CREBRF: variants seen among roughly 807,000 people sequenced by gnomAD.
CREBRF encodes the protein CREB3 regulatory factor.
CREBRF carries 5 observed loss-of-function variants against 66.1 expected under a neutral mutation model. The ratio of observed to expected loss-of-function variants is 0.08; its 90% confidence interval spans 0.04 to 0.16. The LOEUF (loss-of-function observed/expected upper bound fraction) is 0.16, where lower values mean the gene tolerates loss of function less well. Among genes scored for constraint, CREBRF ranks in the 10% least tolerant of loss-of-function variants. The pLI is 1.00. For synonymous variants in CREBRF, 229 were observed against 264.4 expected (o/e 0.87, Z 1.30); for missense variants, 531 against 744.9 (o/e 0.71, Z 3.34).
At chr5:173,086,753 C>A in intron 3 of CREBRF, 127 bp downstream of exon 3, 3 of 617,780 alleles carry the variant, frequency 4.9e-6, no homozygotes, top group Admixed American at 3.0e-5. Flanking sequence ...TATGATTATA[C>A]CTAGGATAAT....
At position 173,100,131 on chromosome 5, in the gene CREBRF, A is replaced by ATT. The variant is rs1184133658; in HGVS notation, c.1223-8470_1223-8469dup. Among the ~76,000 whole-genome samples the ATT allele has an allele frequency of 7.2e-4, 31 of 42,856 alleles. 1 individual carries two copies. Among genetic ancestry groups the ATT allele is most frequent in the African/African-American group, 9.6e-4 (10 of 10,456 alleles). 28.1% of individuals were successfully genotyped at this position (42,856 alleles called of 152,430 possible). A position where few individuals can be genotyped will look rare whatever the true frequency, so the allele number is the denominator to read the frequency against. On this transcript the variant is annotated intron_variant, in intron 4 of 8. Coordinates refer to ENST00000296953, the MANE Select transcript of CREBRF (RefSeq NM_153607.3). ...GTGTGTGTGTGTGTATATATATATA[A>ATT]TTTTTTTTTTTTTTTTTTTTTTTTA...
chr5:173,059,518 C>A (rs1482876729), intron 1 of CREBRF, among the ~76,000 whole-genome samples: 1 of 151,578 alleles, frequency 6.6e-6, no homozygotes, highest in Non-Finnish European at 1.5e-5. Context: ...CCTGCCTTGG[C>A]CTCCCAAAGT....
At chr5:173,096,050 A>C (rs1030879163) in intron 4 of CREBRF, among the ~76,000 whole-genome samples, 11 of 152,008 alleles carry the variant, frequency 7.2e-5, no homozygotes, top group African/African-American at 2.7e-4. Flanking sequence ...GCTCACTGCA[A>C]ACTCCGCCTC....
At chr5:173,127,094 A>G (rs1229417491) in intron 8 of CREBRF, among the ~76,000 whole-genome samples, 1 of 152,006 alleles carries the variant, frequency 6.6e-6, no homozygotes, top group Non-Finnish European at 1.5e-5. Context: ...CAACAATAAC[A>G]ACAACTATAC....
intron 4 of CREBRF, among the ~76,000 whole-genome samples, chr5:173,093,634 A>T (rs945627591): frequency 6.6e-6 from 1 of 152,136 alleles, no homozygotes; most frequent in Non-Finnish European, 1.5e-5. Flanking sequence ...CTCCCACCAC[A>T]GCCTTCCAAG....
chr5:173,102,909 T>C (rs568204208), intron 4 of CREBRF, among the ~76,000 whole-genome samples: 30 of 152,304 alleles, frequency 2.0e-4, no homozygotes, highest in African/African-American at 6.0e-4. Context: ...TCTTTGACCT[T>C]TAACTCCACT....
At chr5:173,057,192 G>A (rs1472885910) in intron 1 of CREBRF, among the ~76,000 whole-genome samples, 1 of 152,134 alleles carries the variant, frequency 6.6e-6, no homozygotes, top group East Asian at 1.9e-4. Flanking sequence ...GTCCAATGGA[G>A]CGGGCGGATG....
chr5:173,071,887 T>TA (rs1174395837), intron 1 of CREBRF, among the ~76,000 whole-genome samples: 22 of 146,848 alleles, frequency 1.5e-4, no homozygotes, highest in South Asian at 4.3e-4. Context: ...AAACCCTCTC[T>TA]AAAAAAAAAA....
intron 1 of CREBRF, among the ~76,000 whole-genome samples, chr5:173,065,000 T>C (rs1581656269): frequency 6.6e-6 from 1 of 152,206 alleles, no homozygotes; most frequent in African/African-American, 2.4e-5. Context: ...TGAGCCACTG[T>C]ACCTAGCTGT....
intron 7 of CREBRF, among the ~76,000 whole-genome samples, chr5:173,121,539 G>A (rs1186621801): frequency 1.3e-5 from 2 of 151,870 alleles, no homozygotes; most frequent in African/African-American, 4.8e-5. Flanking sequence ...AGCCAGGTTG[G>A]TCTCTATCTC....
chr5:173,070,628 C>T (rs1223721117), intron 1 of CREBRF, among the ~76,000 whole-genome samples: 1 of 151,980 alleles, frequency 6.6e-6, no homozygotes, highest in Non-Finnish European at 1.5e-5. Context: ...ATAATAATTA[C>T]ATCAGGTCTT....
chr5:173,070,700 A>C (rs530450905), intron 1 of CREBRF, among the ~76,000 whole-genome samples: 6 of 152,212 alleles, frequency 3.9e-5, no homozygotes, highest in South Asian at 4.2e-4. Context: ...CAGGAGTACA[A>C]TTTTTCATAT....
intron 1 of CREBRF, among the ~76,000 whole-genome samples, chr5:173,065,844 C>T (rs1323925678): frequency 6.6e-6 from 1 of 151,746 alleles, no homozygotes; most frequent in African/African-American, 2.4e-5. Context: ...CCCACATTGC[C>T]CAGGCTGGTC....
At chr5:173,077,245 G>C (rs529853956) in intron 1 of CREBRF, among the ~76,000 whole-genome samples, 2 of 151,998 alleles carry the variant, frequency 1.3e-5, no homozygotes, top group Non-Finnish European at 2.9e-5. Flanking sequence ...TGCCTGGCCT[G>C]TATTCAGGCA....
intron 4 of CREBRF, among the ~76,000 whole-genome samples, chr5:173,106,717 C>T (rs1002947979): frequency 6.0e-5 from 9 of 150,060 alleles, no homozygotes; most frequent in Non-Finnish European, 1.2e-4. Context: ...TGATCACCCC[C>T]GAAAATTCCC....
chr5:173,072,288 T>C (rs1359366065), intron 1 of CREBRF, among the ~76,000 whole-genome samples: 1 of 151,866 alleles, frequency 6.6e-6, no homozygotes, highest in Non-Finnish European at 1.5e-5. Context: ...ATCCCTTTTT[T>C]TTTTTAAGAC....
rs67580803 is a variant in CREBRF at position 173,131,695 on chromosome 5, T to TACACACAC, written c.1805-1906_1805-1899dup. Among the ~76,000 whole-genome samples the TACACACAC allele has an allele frequency of 7.4e-5, 11 of 149,042 alleles. No individual in the cohort carries two copies. In the East Asian group the frequency reaches 1.0e-3, roughly 14 times the overall value. Reference sequence around the variant, plus strand: ...ACATGGTTAAGCTTGTATATATGTATACACACACACACACACACACACACA... The same window carrying TACACACAC: ...ACATGGTTAAGCTTGTATATATGTATACACACACACACACACACACACACACACACACA... On this transcript the variant is annotated intron_variant, in intron 8 of 8. Coordinates refer to ENST00000296953, the MANE Select transcript of CREBRF (RefSeq NM_153607.3).
intron 1 of CREBRF, among the ~76,000 whole-genome samples, chr5:173,065,665 CTTCTT>C (rs1757414659): frequency 2.1e-5 from 1 of 47,712 alleles, no homozygotes; most frequent in African/African-American, 8.4e-5. Flanking sequence ...TTTTCTTCTT[CTTCTT>C]TTTTTTTTTT....
intron 1 of CREBRF, among the ~76,000 whole-genome samples, chr5:173,066,331 G>A (rs930282080): frequency 6.6e-6 from 1 of 152,120 alleles, no homozygotes; most frequent in African/African-American, 2.4e-5. Flanking sequence ...CCACAGTGTA[G>A]AATGTGACTG....
Sources: allele counts gnomAD v4.1 joint callset (sites outside exome capture counted in the v4.1 genomes callset), GRCh38; gene constraint gnomAD v4.1.1; transcripts MANE v1.5; gene names NCBI Gene and HGNC (gene_info 2026-07-23, HGNC 2026-07-21).